Variants in MPP7 observed in about 807,000 individuals in gnomAD.
The protein encoded by MPP7 is MAGUK p55 scaffold protein 7, also known as MAGUK p55 subfamily member 7.
A neutral mutation model predicts 76.5 loss-of-function variants in MPP7; 60 were observed. That is an observed-to-expected ratio of 0.78 (90% CI 0.64 to 0.97). The LOEUF (loss-of-function observed/expected upper bound fraction) is 0.97, where lower values mean the gene tolerates loss of function less well. Among genes scored for constraint, MPP7 ranks in the 50% least tolerant of loss-of-function variants. MPP7 has a pLI of 0.00. For synonymous variants in MPP7, 237 were observed against 244.5 expected, an observed-to-expected ratio of 0.97 and a Z score of 0.29; for missense variants, 641 against 694.0, an observed-to-expected ratio of 0.92 and a Z score of 0.86.
rs1564615298 is a variant in MPP7, at chr10:28,069,767, C to T, written c.1204+5G>A. The T allele has an allele frequency of 6.2e-7, 1 of 1,612,464 alleles. No homozygotes were observed. Among genetic ancestry groups the T allele is most frequent in the Admixed American group, 1.7e-5 (1 of 60,004 alleles). ...CATAGGAACACTGAGTAGCGCAGAA[C>T]TCACGGGGCACTGTCACGCCATAGT... On this transcript the variant is annotated splice_donor_5th_base_variant and intron_variant, in intron 13 of 16. Transcript: ENST00000683449.
At chr10:28,289,420 G>C (rs1260249088) in intron 1 of MPP7, 1 of 152,104 alleles carries the variant, frequency 6.6e-6, no homozygotes, top group Non-Finnish European at 1.5e-5. Context: ...TATCAAAACA[G>C]CCATCCCAAC....
At chr10:28,206,064 T>C (rs1416153933) in intron 2 of MPP7, among the ~76,000 whole-genome samples, 1 of 152,168 alleles carries the variant, frequency 6.6e-6, no homozygotes, top group East Asian at 1.9e-4. Flanking sequence ...CCTCCAGAAC[T>C]GTGAGCCAAT....
intron 2 of MPP7, among the ~76,000 whole-genome samples, chr10:28,213,969 A>G (rs1443871037): frequency 2.6e-5 from 4 of 152,130 alleles, no homozygotes; most frequent in African/African-American, 7.2e-5. Flanking sequence ...TCACTCATTC[A>G]TTACAGCTCT....
intron 2 of MPP7, among the ~76,000 whole-genome samples, chr10:28,225,912 G>A (rs942010433): frequency 3.9e-5 from 6 of 152,022 alleles, no homozygotes; most frequent in African/African-American, 1.2e-4. Context: ...TCTAAATCAA[G>A]GACTCAAAGA....
At chr10:28,210,013 C>A (rs1222716221) in intron 2 of MPP7, among the ~76,000 whole-genome samples, 1 of 152,144 alleles carries the variant, frequency 6.6e-6, no homozygotes, top group Non-Finnish European at 1.5e-5. Flanking sequence ...AGCTGGGACA[C>A]CCATCTTCTC....
chr10:28,105,490 C>G (rs191130733), intron 11 of MPP7, among the ~76,000 whole-genome samples: 2 of 152,232 alleles, frequency 1.3e-5, no homozygotes, highest in East Asian at 3.9e-4. Context: ...ATTAAGGAAT[C>G]AGTTATAATG....
At chr10:28,244,668 T>C (rs907342623) in intron 1 of MPP7, among the ~76,000 whole-genome samples, 1 of 152,114 alleles carries the variant, frequency 6.6e-6, no homozygotes, top group Non-Finnish European at 1.5e-5. Context: ...TATAAACCTT[T>C]AAAGACTTCA....
At chr10:28,250,241 T>G (rs142308017) in intron 1 of MPP7, among the ~76,000 whole-genome samples, 3 of 152,262 alleles carry the variant, frequency 2.0e-5, no homozygotes, top group African/African-American at 7.2e-5. Flanking sequence ...TGTCTGTAAT[T>G]TATGCAAAAA....
upstream of MPP7, among the ~76,000 whole-genome samples, chr10:28,335,068 C>T (rs1301827704): frequency 1.3e-5 from 2 of 152,180 alleles, no homozygotes; most frequent in Admixed American, 1.3e-4. Context: ...GGGGATTCAC[C>T]CTCAAGTTCC....
At chr10:28,092,777 G>A (rs61171639) in intron 11 of MPP7, among the ~76,000 whole-genome samples, 2,132 of 131,060 alleles carry the variant, frequency 0.016, 59 homozygotes, top group African/African-American at 0.057. Context: ...ATAAGGTTTC[G>A]CCATGTTGCC....
At chr10:28,312,001 A>G (rs1164227173) in intron 2 of MPP7, among the ~76,000 whole-genome samples, 1 of 152,132 alleles carries the variant, frequency 6.6e-6, no homozygotes. Context: ...GGTTCCTTCC[A>G]GCAGGTTTAC....
intron 2 of MPP7, among the ~76,000 whole-genome samples, chr10:28,232,346 C>T (rs1352908647): frequency 1.4e-5 from 2 of 139,464 alleles, no homozygotes; most frequent in African/African-American, 5.5e-5. Context: ...AGAGTGAGAT[C>T]CTGTCTCTTA....
intron 12 of MPP7, among the ~76,000 whole-genome samples, chr10:28,073,639 G>A (rs1017507872): frequency 2.0e-4 from 31 of 151,958 alleles, no homozygotes; most frequent in Non-Finnish European, 3.4e-4. Flanking sequence ...GCATGGTGGC[G>A]GGTTCCTGTA....
At chr10:28,124,383 T>C (rs1450628402) in intron 7 of MPP7, among the ~76,000 whole-genome samples, 1 of 151,328 alleles carries the variant, frequency 6.6e-6, no homozygotes, top group African/African-American at 2.4e-5. Context: ...TATACTAATA[T>C]ACTAATAAAA....
At chr10:28,180,839 GGCT>G (rs1290540365) in intron 3 of MPP7, among the ~76,000 whole-genome samples, 1 of 152,180 alleles carries the variant, frequency 6.6e-6, no homozygotes, top group Non-Finnish European at 1.5e-5. Context: ...GACTGCTAAA[GGCT>G]TCTGCCCAGC....
intron 12 of MPP7, among the ~76,000 whole-genome samples, chr10:28,076,727 A>C (rs544061104): frequency 6.6e-6 from 1 of 152,188 alleles, no homozygotes; most frequent in East Asian, 1.9e-4. Context: ...ATCTCTACTA[A>C]AAATACAAAA....
rs2066419 is a variant in MPP7 at position 28,243,379 on chromosome 10, C to T, written c.-131-4644G>A. 8.2e-3 allele frequency among the ~76,000 whole-genome samples: 1,233 copies of T among 150,254 alleles called. 18 individuals are homozygous for T. The highest frequency in any genetic ancestry group is 0.029 in the African/African-American group (1,159 of 40,570). On this transcript the variant is annotated intron_variant, in intron 1 of 16. Transcript: ENST00000683449. ...CCAAAGCCTTTGCTGAGAAGACCCA[C>T]GGTGGTATTAACAAATGTGATTTTT...
At chr10:28,250,303 C>T (rs1177266630) in intron 1 of MPP7, among the ~76,000 whole-genome samples, 2 of 152,166 alleles carry the variant, frequency 1.3e-5, no homozygotes, top group East Asian at 1.9e-4. Flanking sequence ...GGCCAAATGT[C>T]ATCTGTTGCT....
intron 2 of MPP7, among the ~76,000 whole-genome samples, chr10:28,309,874 A>G (rs60705071): frequency 0.36 from 54,188 of 151,568 alleles, 9,950 homozygotes; most frequent in East Asian, 0.54. Flanking sequence ...CTGTCATCAC[A>G]TGATATGCCT....
Sources: allele counts gnomAD v4.1 joint callset (sites outside exome capture counted in the v4.1 genomes callset), GRCh38; gene constraint gnomAD v4.1.1; transcripts MANE v1.5; gene names NCBI Gene and HGNC (gene_info 2026-07-23, HGNC 2026-07-21).